Variants in SEL1L3 observed in about 807,000 individuals in gnomAD.
SEL1L3 encodes protein sel-1 homolog 3.
Under a neutral mutation model 142.8 loss-of-function variants are expected in SEL1L3, and 76 were observed. The observed-to-expected ratio is 0.53, with a 90% CI of 0.44 to 0.64. The LOEUF is 0.64. Among genes scored for constraint, SEL1L3 ranks in the 30% least tolerant of loss-of-function variants. SEL1L3 has a pLI of 0.00. For missense variants in SEL1L3, 1,262 were observed against 1,381.7 expected (o/e 0.91, Z 1.37); for synonymous variants, 504 against 519.6 (o/e 0.97, Z 0.41).
At chr4:25,842,608 G>A (rs1167483777) in intron 2 of SEL1L3, among the ~76,000 whole-genome samples, 5 of 152,180 alleles carry the variant, frequency 3.3e-5, no homozygotes, top group Non-Finnish European at 5.9e-5. Context: ...CCTAGGGAAG[G>A]AGCACTGCCA....
Position 25,788,085 on chromosome 4 carries a change from T to C in SEL1L3, c.2217+139A>G. The C allele has an allele frequency of 1.2e-6, 1 of 812,714 alleles. No homozygotes were observed. Among genetic ancestry groups the C allele is most frequent in the Non-Finnish European group, 2.0e-6 (1 of 505,064 alleles). 50.3% of individuals were successfully genotyped at this position (812,714 alleles called of 1,614,324 possible). A position where few individuals can be genotyped will look rare whatever the true frequency, so the allele number is the denominator to read the frequency against. Reference sequence around the variant, plus strand: ...CTGACTCTGCCTTTTTAGCCAACATTCTTTTCCATCAAGAGTGACAGAAGC... The same window carrying C: ...CTGACTCTGCCTTTTTAGCCAACATCCTTTTCCATCAAGAGTGACAGAAGC... On this transcript the variant is annotated intron_variant, in intron 13 of 23. Coordinates refer to ENST00000399878, the MANE Select transcript of SEL1L3 (RefSeq NM_015187.5). This position sits in a 1 kb window ranked among gnomAD's most constrained non-coding sequence, Gnocchi z 5.3.
At chr4:25,736,985 T>TTCTTTTTCTTTTTTC in the SEL1L3 span, among the ~76,000 whole-genome samples, 1 of 149,988 alleles carries the variant, frequency 6.7e-6, no homozygotes, top group Non-Finnish European at 1.5e-5. Flanking sequence ...TTTTTTCTTT[T>TTCTTTTTCTTTTTTC]TCTTTTTTTT....
intron 8 of SEL1L3, 120 bp from the exon 9 acceptor site, chr4:25,818,398 G>T: frequency 2.2e-6 from 2 of 897,758 alleles, no homozygotes; most frequent in South Asian, 2.4e-5. Context: ...TGTTGGTTTT[G>T]GTCCTTTTGG....
chr4:25,782,206 T>C, intron 15 of SEL1L3, 36 bp downstream of exon 15: 1 of 1,583,866 alleles, frequency 6.3e-7, no homozygotes, highest in Non-Finnish European at 8.7e-7. Context: ...ATCAAGTGAC[T>C]GACTAGTTGC....
chr4:25,830,428 T>A (rs1405886476), intron 5 of SEL1L3, among the ~76,000 whole-genome samples: 1 of 152,184 alleles, frequency 6.6e-6, no homozygotes, highest in Non-Finnish European at 1.5e-5. Context: ...CAAAGGCTCA[T>A]TTGATGTATT....
intron 9 of SEL1L3, among the ~76,000 whole-genome samples, chr4:25,807,432 G>A (rs749539790): frequency 3.9e-5 from 6 of 152,090 alleles, no homozygotes; most frequent in Non-Finnish European, 7.4e-5. Context: ...TAATAAGAAC[G>A]TGGAATACAC....
In SEL1L3 at chr4:25,847,524, A is replaced by C; in HGVS notation, c.503T>G (p.Val168Gly). The C allele has an allele frequency of 6.2e-7, 1 of 1,613,600 alleles. No individual in the cohort carries two copies. The highest frequency in any genetic ancestry group is 8.5e-7 in the Non-Finnish European group (1 of 1,179,492). Reference protein sequence around the residue: ...DDYFIRHSISVSAVIVRAWIT... With the variant: ...DDYFIRHSISGSAVIVRAWIT... ...CCAGGCGCGTACTATCACTGCAGAT[A>C]CAGAGATGGAATGTCTGATGAAATA... is the stretch of plus-strand genomic sequence containing the variant. The change falls in exon 2 of 24, where the codon GTA (valine) becomes GGA (glycine). Residue 168 changes from valine to glycine, a missense_variant. By Grantham distance (109) the Val-to-Gly change is moderately radical (BLOSUM62 -3). Around this residue, in one of 3 missense-constraint regions of SEL1L3, gnomAD observed 689 missense variants for 692.8 expected, o/e 0.99. Coordinates refer to ENST00000399878, the MANE Select transcript of SEL1L3 (RefSeq NM_015187.5).
At chr4:25,719,104 A>C in the SEL1L3 span, 1 of 152,272 alleles carries the variant, frequency 6.6e-6, no homozygotes, top group Non-Finnish European at 1.5e-5. Flanking sequence ...TGAACCCGGG[A>C]GGCGTAGGTT....
chr4:25,766,624 A>C (rs940566998), intron 19 of SEL1L3, among the ~76,000 whole-genome samples: 2 of 152,130 alleles, frequency 1.3e-5, no homozygotes, highest in African/African-American at 2.4e-5. Context: ...GGCTACTATC[A>C]TCCCCAGGAC....
chr4:25,783,154 C>T (rs1711547566), intron 14 of SEL1L3, among the ~76,000 whole-genome samples: 1 of 152,180 alleles, frequency 6.6e-6, no homozygotes, highest in African/African-American at 2.4e-5. Context: ...TTCCAAGAAG[C>T]CCCCTTATGG....
chr4:25,731,797 G>A, the SEL1L3 span, among the ~76,000 whole-genome samples: 1 of 152,174 alleles, frequency 6.6e-6, no homozygotes, highest in African/African-American at 2.4e-5. Context: ...TATGGGCTGG[G>A]TGCAGTGGCT....
chr4:25,714,500 T>TTCTTTC, the SEL1L3 span, among the ~76,000 whole-genome samples: 8 of 109,008 alleles, frequency 7.3e-5, no homozygotes, highest in African/African-American at 3.3e-4. Flanking sequence ...CTTTCTTTCT[T>TTCTTTC]TTTCTTTCTT....
At chr4:25,714,074 G>A in the SEL1L3 span, among the ~76,000 whole-genome samples, 2 of 152,042 alleles carry the variant, frequency 1.3e-5, no homozygotes, top group Non-Finnish European at 2.9e-5. Flanking sequence ...TTTCTCCAAA[G>A]TTGTCTTAAG....
At chr4:25,827,562 T>G (rs1455794316) in intron 6 of SEL1L3, among the ~76,000 whole-genome samples, 2 of 152,208 alleles carry the variant, frequency 1.3e-5, no homozygotes, top group African/African-American at 4.8e-5. Context: ...TTTTTGTGTT[T>G]AAGCCACTTC....
intron 9 of SEL1L3, among the ~76,000 whole-genome samples, chr4:25,810,223 A>G (rs1272794140): frequency 6.6e-6 from 1 of 152,200 alleles, no homozygotes; most frequent in East Asian, 1.9e-4. Flanking sequence ...AGGAATAAAT[A>G]GGCCTGGCCT....
At chr4:25,806,791 A>G (rs537680459) in intron 9 of SEL1L3, among the ~76,000 whole-genome samples, 31 of 152,208 alleles carry the variant, frequency 2.0e-4, no homozygotes, top group South Asian at 4.1e-4. Context: ...ACTTTACTGA[A>G]CGAATGGAGT....
chr4:25,825,506 T>C (rs116590074), intron 6 of SEL1L3, among the ~76,000 whole-genome samples: 1,723 of 152,132 alleles, frequency 0.011, 38 homozygotes, highest in African/African-American at 0.04. Flanking sequence ...CCTGAAAGAA[T>C]CACCGACGTT....
At chr4:25,825,510 C>G (rs142086992) in intron 6 of SEL1L3, among the ~76,000 whole-genome samples, 262 of 152,144 alleles carry the variant, frequency 1.7e-3, no homozygotes, top group Middle Eastern at 3.4e-3. Context: ...AAAGAATCAC[C>G]GACGTTGTGA....
In SEL1L3 at chr4:25,819,794, AG is replaced by A; in HGVS notation, c.1423+13del. 6.2e-7 allele frequency: 1 copy of A among 1,605,022 alleles called. No homozygotes were observed. ...ACAGAGCTTAAAACAGCTCCCCTGA[AG>A]CTCAACACTTACATGCTTCTTGTCT... is the stretch of plus-strand genomic sequence containing the variant. On this transcript the variant is annotated intron_variant, in intron 8 of 23. Coordinates refer to ENST00000399878, the MANE Select transcript of SEL1L3 (RefSeq NM_015187.5).
Sources: allele counts gnomAD v4.1 joint callset (sites outside exome capture counted in the v4.1 genomes callset), GRCh38; gene constraint gnomAD v4.1.1; regional missense constraint gnomAD v4.1.1; non-coding constraint Gnocchi (gnomAD v3.1); transcripts MANE v1.5; gene names NCBI Gene and HGNC (gene_info 2026-07-23, HGNC 2026-07-21).